Variants in LMNTD1 observed in about 807,000 individuals in gnomAD.
LMNTD1 encodes the protein lamin tail domain-containing protein 1.
LMNTD1 carries 35 observed loss-of-function variants against 50.9 expected under a neutral mutation model. The observed-to-expected ratio is 0.69, with a 90% confidence interval of 0.53 to 0.91. The LOEUF (loss-of-function observed/expected upper bound fraction) is 0.91. Among genes scored for constraint, LMNTD1 ranks in the 40% least tolerant of loss-of-function variants. LMNTD1 has a pLI of 0.00. For missense variants in LMNTD1, 470 were observed against 475.5 expected, an observed-to-expected ratio of 0.99 and a Z score of 0.11; for synonymous variants, 153 against 161.9, an observed-to-expected ratio of 0.94 and a Z score of 0.42.
chr12:25,516,877 G>C (rs896066097), intron 8 of LMNTD1, among the ~76,000 whole-genome samples: 2 of 151,300 alleles, frequency 1.3e-5, no homozygotes, highest in African/African-American at 4.9e-5. Context: ...AACAAACAAT[G>C]CCATCAAAAA....
intron 8 of LMNTD1, among the ~76,000 whole-genome samples, chr12:25,509,055 T>C (rs1445399795): frequency 6.6e-6 from 1 of 152,222 alleles, no homozygotes; most frequent in Non-Finnish European, 1.5e-5. Flanking sequence ...TCAAAGAAGA[T>C]ATTACGTTGG....
chr12:25,604,561 A>C, intron 1 of LMNTD1, among the ~76,000 whole-genome samples: 1 of 149,168 alleles, frequency 6.7e-6, no homozygotes, highest in African/African-American at 2.5e-5. Context: ...ATGTGTTCTC[A>C]TTGTTCAATT....
chr12:25,596,723 TAAAA>T (rs1032502658), intron 1 of LMNTD1, among the ~76,000 whole-genome samples: 4 of 152,042 alleles, frequency 2.6e-5, no homozygotes, highest in African/African-American at 9.6e-5. Flanking sequence ...CATCTGAAGA[TAAAA>T]AAACTCATTG....
chr12:25,500,204 T>C (rs1052645407), intron 9 of LMNTD1, among the ~76,000 whole-genome samples: 3 of 152,162 alleles, frequency 2.0e-5, no homozygotes, highest in African/African-American at 7.2e-5. Context: ...AAAACACTGA[T>C]ATCAGAAAAT....
chr12:25,537,781 T>C (rs1432069576), intron 4 of LMNTD1, among the ~76,000 whole-genome samples: 12 of 151,864 alleles, frequency 7.9e-5, no homozygotes, highest in African/African-American at 1.9e-4. Flanking sequence ...CTCTGAGCTA[T>C]GGGAGGACAT....
chr12:25,594,246 C>T (rs1424306901), intron 1 of LMNTD1, among the ~76,000 whole-genome samples: 2 of 152,096 alleles, frequency 1.3e-5, no homozygotes, highest in East Asian at 1.9e-4. Context: ...AGATAATTGC[C>T]TAGGCACATT....
intron 8 of LMNTD1, among the ~76,000 whole-genome samples, chr12:25,511,714 T>A (rs1940310279): frequency 6.6e-6 from 1 of 152,224 alleles, no homozygotes; most frequent in South Asian, 2.1e-4. Context: ...GTCAGTATTT[T>A]CATAATACAG....
chr12:25,579,414 C>A (rs906873436), intron 1 of LMNTD1, among the ~76,000 whole-genome samples: 7 of 152,014 alleles, frequency 4.6e-5, no homozygotes, highest in Non-Finnish European at 8.8e-5. Context: ...AATATCACAC[C>A]ATTTTATATC....
chr12:25,583,968 A>G (rs1263632372), intron 1 of LMNTD1, among the ~76,000 whole-genome samples: 2 of 152,216 alleles, frequency 1.3e-5, no homozygotes, highest in Non-Finnish European at 2.9e-5. Flanking sequence ...CAGAGAGACC[A>G]GAGAAGATGA....
intron 1 of LMNTD1, among the ~76,000 whole-genome samples, chr12:25,578,992 A>G (rs1945155422): frequency 6.6e-6 from 1 of 152,244 alleles, no homozygotes; most frequent in Non-Finnish European, 1.5e-5. Flanking sequence ...GTTCTTAGAC[A>G]AATGAAAACA....
intron 9 of LMNTD1, among the ~76,000 whole-genome samples, chr12:25,483,190 T>G (rs1468423589): frequency 6.7e-6 from 1 of 149,420 alleles, no homozygotes; most frequent in Non-Finnish European, 1.5e-5. Context: ...TTTGGGAGGC[T>G]GAGATGGGAG....
chr12:25,572,152 T>C (rs149765308), intron 1 of LMNTD1, among the ~76,000 whole-genome samples: 9 of 152,270 alleles, frequency 5.9e-5, no homozygotes, highest in African/African-American at 2.2e-4. Context: ...TTCTGTAAAA[T>C]GGGGATAGAA....
At chr12:25,604,418 T>C (rs1361822198) in intron 1 of LMNTD1, among the ~76,000 whole-genome samples, 3 of 152,166 alleles carry the variant, frequency 2.0e-5, no homozygotes, top group Admixed American at 6.5e-5. Flanking sequence ...TACATATGTA[T>C]ACATGTGCCA....
At chr12:25,563,696 G>A (rs1007193653) in intron 1 of LMNTD1, among the ~76,000 whole-genome samples, 5 of 152,228 alleles carry the variant, frequency 3.3e-5, no homozygotes, top group African/African-American at 9.6e-5. Context: ...GTTTAAGTCT[G>A]CAGAAGTTTC....
At chr12:25,512,426 A>G (rs1374485135) in intron 8 of LMNTD1, among the ~76,000 whole-genome samples, 2 of 152,196 alleles carry the variant, frequency 1.3e-5, no homozygotes, top group Non-Finnish European at 2.9e-5. Flanking sequence ...TGCTTATTTT[A>G]AAAAATAATT....
At chr12:25,597,517 T>C (rs941244133) in intron 1 of LMNTD1, among the ~76,000 whole-genome samples, 1 of 151,976 alleles carries the variant, frequency 6.6e-6, no homozygotes, top group Non-Finnish European at 1.5e-5. Flanking sequence ...GCAAATATTA[T>C]TAAAGAGAGA....
chr12:25,638,719 A>G (rs951678309), intron 1 of LMNTD1, among the ~76,000 whole-genome samples: 1 of 152,148 alleles, frequency 6.6e-6, no homozygotes, highest in African/African-American at 2.4e-5. Context: ...GTTGATAGAT[A>G]AGAAGACATA....
chr12:25,545,098 T>C (rs1269091896), intron 4 of LMNTD1, among the ~76,000 whole-genome samples: 2 of 151,722 alleles, frequency 1.3e-5, no homozygotes, highest in Non-Finnish European at 3.0e-5. Context: ...TGAACATTAG[T>C]GTTTTTTTGT....
intron 8 of LMNTD1, among the ~76,000 whole-genome samples, chr12:25,513,548 A>C (rs879285591): frequency 1.3e-5 from 2 of 152,200 alleles, no homozygotes; most frequent in Non-Finnish European, 2.9e-5. Flanking sequence ...AGGCACGAGA[A>C]TCACTGGAAC....
Sources: gnomAD v4.1 joint callset for allele counts (sites outside exome capture counted in the v4.1 genomes callset) on GRCh38, gnomAD v4.1.1 for gene constraint, MANE v1.5 for transcripts, NCBI Gene and HGNC (gene_info 2026-07-23, HGNC 2026-07-21) for gene names.